DPP10: variants seen among roughly 807,000 people sequenced by gnomAD.
DPP10 encodes the protein dipeptidyl peptidase like 10.
In DPP10, 33 loss-of-function variants were observed where a neutral mutation model predicts 120.9. The observed-to-expected ratio is 0.27, with a 90% CI of 0.21 to 0.37. The LOEUF (loss-of-function observed/expected upper bound fraction) is 0.37, where lower values mean the gene tolerates loss of function less well. Ranked by LOEUF, DPP10 falls within the 10% of genes least tolerant of loss-of-function variation. The pLI is 1.00. For missense variants in DPP10, 816 were observed against 942.8 expected (o/e 0.87, Z 1.76); for synonymous variants, 337 against 326.1 (o/e 1.03, Z -0.36).
At chr2:115,643,393 G>C (rs984182027) in intron 5 of DPP10, among the ~76,000 whole-genome samples, 1 of 152,140 alleles carries the variant, frequency 6.6e-6, no homozygotes, top group East Asian at 1.9e-4. Context: ...AAGAATAGTA[G>C]CAGCATGAAA....
chr2:114,493,524 T>A (rs781083073), intron 1 of DPP10, among the ~76,000 whole-genome samples: 46 of 152,114 alleles, frequency 3.0e-4, no homozygotes, highest in Admixed American at 9.2e-4. Context: ...CTTGCTCGAA[T>A]CTCTCAACCA....
At chr2:115,191,927 C>G (rs975030200) in intron 1 of DPP10, among the ~76,000 whole-genome samples, 17 of 152,224 alleles carry the variant, frequency 1.1e-4, no homozygotes, top group Non-Finnish European at 1.8e-4. Flanking sequence ...TTTCAAATGT[C>G]GGGAGATCAG....
chr2:115,449,874 G>T (rs1346103312), intron 3 of DPP10, among the ~76,000 whole-genome samples: 1 of 152,042 alleles, frequency 6.6e-6, no homozygotes, highest in Admixed American at 6.6e-5. Context: ...AATATGTATA[G>T]TAAAAATTGT....
At chr2:115,683,407 C>A (rs754799888) in intron 5 of DPP10, among the ~76,000 whole-genome samples, 5 of 151,888 alleles carry the variant, frequency 3.3e-5, no homozygotes, top group African/African-American at 4.8e-5. Context: ...CTGTGTGATA[C>A]CGTAATCATG....
chr2:114,561,300 T>G (rs1170718037), intron 1 of DPP10, among the ~76,000 whole-genome samples: 1 of 152,196 alleles, frequency 6.6e-6, no homozygotes. Flanking sequence ...TGTTTTTTGT[T>G]TAAGGAGAAA....
chr2:114,933,454 A>G (rs959424826), intron 1 of DPP10, among the ~76,000 whole-genome samples: 2 of 152,226 alleles, frequency 1.3e-5, no homozygotes, highest in African/African-American at 4.8e-5. Flanking sequence ...GTTTAGTGGA[A>G]GACACTGAGA....
intron 8 of DPP10, among the ~76,000 whole-genome samples, chr2:115,728,410 T>G (rs532622027): frequency 9.7e-4 from 147 of 152,268 alleles, no homozygotes; most frequent in Non-Finnish European, 1.8e-3. Context: ...TAAAGAGTTA[T>G]TTTCAATATC....
rs67359999 is a variant in DPP10 at position 115,617,289 on chromosome 2, T to TATATACAC, written c.442-72397_442-72396insTATACACA. Among the ~76,000 whole-genome samples the TATATACAC allele has an allele frequency of 1.4e-4, 19 of 136,530 alleles. 1 individual carries two copies. The highest frequency in any genetic ancestry group is 4.0e-4 in the African/African-American group (15 of 37,332). 89.6% of individuals were successfully genotyped at this position (136,530 alleles called of 152,430 possible). On this transcript the variant is annotated intron_variant, in intron 5 of 25. Coordinates refer to ENST00000410059, the MANE Select transcript of DPP10 (RefSeq NM_020868.6). ...TATATTTTTTATATATATATATATATACACACATAGCATATATGTATATGC... is the reference window on the plus strand; with the variant it reads ...TATATTTTTTATATATATATATATATATATACACACACACATAGCATATATGTATATGC...
intron 1 of DPP10, among the ~76,000 whole-genome samples, chr2:114,935,918 T>A (rs1696428801): frequency 6.6e-6 from 1 of 151,798 alleles, no homozygotes; most frequent in African/African-American, 2.4e-5. Context: ...TCTCCAAAGG[T>A]GAGGTTTTCC....
chr2:115,627,982 A>G lies in DPP10; in HGVS notation c.442-61705A>G, dbSNP rs111556778. On this transcript the variant is annotated intron_variant, in intron 5 of 25. Transcript: ENST00000410059. ...GAATAGTGCTGCAATAAACATGCAC[A>G]TGCATGTATCCCAGTAATGGGATTG... is the stretch of plus-strand genomic sequence containing the variant. Among the ~76,000 whole-genome samples the G allele has an allele frequency of 8.5e-3, 1,298 of 152,264 alleles. 9 individuals are homozygous for G. Among genetic ancestry groups the G allele is most frequent in the South Asian group, 0.014 (70 of 4,830 alleles).
chr2:114,732,523 T>TG (rs1413590512), intron 1 of DPP10, among the ~76,000 whole-genome samples: 1 of 152,172 alleles, frequency 6.6e-6, no homozygotes, highest in Non-Finnish European at 1.5e-5. Context: ...TAAGCTTGTG[T>TG]GAGATCAAGA....
intron 1 of DPP10, chr2:115,161,798 C>T (rs2052388131): frequency 1.4e-6 from 1 of 694,594 alleles, no homozygotes; most frequent in Non-Finnish European, 2.1e-6. Context: ...CCGCCCGGTG[C>T]CGCTCTTCTT....
At chr2:114,735,294 C>G (rs1677312083) in intron 1 of DPP10, among the ~76,000 whole-genome samples, 1 of 152,046 alleles carries the variant, frequency 6.6e-6, no homozygotes, top group African/African-American at 2.4e-5. Context: ...ACAAGAACAC[C>G]ACCCAGTCTG....
rs567053902 is a variant in DPP10, at chr2:115,769,373, T to C, written c.1221+969T>C. On this transcript the variant is annotated intron_variant, in intron 13 of 25. Transcript: ENST00000410059. The stretch of plus-strand genomic sequence containing the variant: ...TGTGCACATTCTCAAATGATTACCA[T>C]TATCCATATACATTTGTATTGGACA... 6.6e-5 allele frequency among the ~76,000 whole-genome samples: 10 copies of C among 152,210 alleles called. No homozygotes were observed. In the East Asian group the frequency reaches 1.9e-3, roughly 29 times the overall value.
intron 5 of DPP10, among the ~76,000 whole-genome samples, chr2:115,682,066 G>A (rs1295138056): frequency 1.3e-5 from 2 of 151,886 alleles, no homozygotes; most frequent in Admixed American, 6.6e-5. Flanking sequence ...TTGGGAGTTT[G>A]GCTCTCTGTC....
intron 7 of DPP10, among the ~76,000 whole-genome samples, chr2:115,704,754 G>A (rs78886771): frequency 0.02 from 2,985 of 151,890 alleles, 85 homozygotes; most frequent in African/African-American, 0.067. Flanking sequence ...ATTATAATCT[G>A]GAACTGCAAT....
At chr2:114,937,450 A>G (rs939068303) in intron 1 of DPP10, among the ~76,000 whole-genome samples, 1 of 152,142 alleles carries the variant, frequency 6.6e-6, no homozygotes, top group Admixed American at 6.5e-5. Context: ...AGGAGCAGGA[A>G]AGATCTGCAG....
At chr2:114,547,444 AAAG>A (rs1687508901) in intron 1 of DPP10, among the ~76,000 whole-genome samples, 1 of 152,196 alleles carries the variant, frequency 6.6e-6, no homozygotes, top group African/African-American at 2.4e-5. Flanking sequence ...CCACAGAAGA[AAAG>A]AAATAGCTTT....
chr2:114,613,246 CAGAG>C (rs929958717), intron 1 of DPP10, among the ~76,000 whole-genome samples: 6 of 152,020 alleles, frequency 3.9e-5, no homozygotes, highest in Admixed American at 6.6e-5. Flanking sequence ...CTATTGCAAA[CAGAG>C]AGAAGATTAT....
Sources: gnomAD v4.1 joint callset for allele counts (sites outside exome capture counted in the v4.1 genomes callset) on GRCh38, gnomAD v4.1.1 for gene constraint, MANE v1.5 for transcripts, NCBI Gene and HGNC (gene_info 2026-07-23, HGNC 2026-07-21) for gene names.